The following ERCC6L2 variants were observed in gnomAD, a reference collection of about 807,000 sequenced individuals.
ERCC6L2 encodes the protein ERCC excision repair 6 like 2.
ERCC6L2 carries 77 observed loss-of-function variants against 132.0 expected under a neutral mutation model. The ratio of observed to expected loss-of-function variants is 0.58; its 90% confidence interval spans 0.49 to 0.71. The LOEUF (loss-of-function observed/expected upper bound fraction) is 0.71. Among genes scored for constraint, ERCC6L2 ranks in the 30% least tolerant of loss-of-function variants. The pLI is 0.00. For missense variants in ERCC6L2, 1,542 were observed against 1,837.6 expected, an observed-to-expected ratio of 0.84 and a Z score of 2.94; for synonymous variants, 583 against 632.4, an observed-to-expected ratio of 0.92 and a Z score of 1.17.
At chr9:95,977,455 T>C (rs547579528) in intron 16 of ERCC6L2, among the ~76,000 whole-genome samples, 22 of 152,310 alleles carry the variant, frequency 1.4e-4, no homozygotes, top group East Asian at 9.7e-4. Flanking sequence ...AAATGAATTA[T>C]AGGTGCCTAG....
At chr9:95,945,301 C>T (rs368428627) in intron 12 of ERCC6L2, among the ~76,000 whole-genome samples, 4 of 152,236 alleles carry the variant, frequency 2.6e-5, no homozygotes, top group African/African-American at 9.6e-5. Flanking sequence ...ACCCGGCTCA[C>T]TGGCAGTCAG....
At chr9:95,923,117 A>C in intron 8 of ERCC6L2, 143 bp from the exon 9 acceptor site, 4 of 882,900 alleles carry the variant, frequency 4.5e-6, no homozygotes, top group Non-Finnish European at 6.6e-6. Flanking sequence ...GAGTTTTTGA[A>C]TTCTTAGTCT....
intron 13 of ERCC6L2, among the ~76,000 whole-genome samples, chr9:95,964,646 C>A (rs1334754010): frequency 6.6e-6 from 1 of 152,110 alleles, no homozygotes; most frequent in Non-Finnish European, 1.5e-5. Flanking sequence ...ATGTTCTTTT[C>A]TTTTTACTTC....
chr9:95,950,616 T>C (rs1227802237), intron 12 of ERCC6L2, among the ~76,000 whole-genome samples: 3 of 152,096 alleles, frequency 2.0e-5, no homozygotes, highest in African/African-American at 7.2e-5. Context: ...GGTCCAAGAA[T>C]ATACACAGGT....
chr9:95,916,700 T>TTTTA (rs1829612831), intron 6 of ERCC6L2, among the ~76,000 whole-genome samples: 1 of 150,558 alleles, frequency 6.6e-6, no homozygotes, highest in African/African-American at 2.5e-5. Context: ...TTTTTTTTTT[T>TTTTA]GAGACAGAGT....
At position 95,972,489 on chromosome 9, in the gene ERCC6L2, G is replaced by C. The variant is rs886787907; in HGVS notation, c.2738G>C (p.Arg913Thr). Residue 913 changes from arginine (R) to threonine (T), a missense_variant, in exon 16 of 19, where the codon AGA becomes ACA. Physicochemically the swap from Arg to Thr is moderately conservative, Grantham distance 71. Coordinates refer to ENST00000653738, the MANE Select transcript of ERCC6L2 (RefSeq NM_020207.7). ...VICPTQYTTE[R>T]FPDNSIRFKP... ...TGTCCTACACAATACACAACTGAGAGATTCCCCGACAATAGTATAAGGTTT... is the reference window on the plus strand; with the variant it reads ...TGTCCTACACAATACACAACTGAGACATTCCCCGACAATAGTATAAGGTTT... 7.8e-7 allele frequency: 1 copy of C among 1,289,822 alleles called. No homozygotes were observed. Among genetic ancestry groups the C allele is most frequent in the Non-Finnish European group, 1.0e-6 (1 of 988,866 alleles). The allele number at this position is 1,289,822 out of a possible 1,614,324, so 79.9% of individuals were successfully genotyped here.
intron 5 of ERCC6L2, among the ~76,000 whole-genome samples, 161 bp from the exon 6 acceptor site, chr9:95,916,066 A>C (rs1382830291): frequency 6.6e-6 from 1 of 152,216 alleles, no homozygotes; most frequent in Non-Finnish European, 1.5e-5. Flanking sequence ...CTCATATCAT[A>C]GTTAGAACCT....
chr9:96,019,763 G>A (rs1466371545), downstream of ERCC6L2: 1 of 152,266 alleles, frequency 6.6e-6, no homozygotes, highest in Admixed American at 6.5e-5. Flanking sequence ...TTGGCTCACA[G>A]TTCCTTATAG....
chr9:95,923,563 G>T (rs547872754), intron 9 of ERCC6L2, among the ~76,000 whole-genome samples, 184 bp downstream of exon 9: 1 of 152,158 alleles, frequency 6.6e-6, no homozygotes, highest in Non-Finnish European at 1.5e-5. Context: ...TACAGATGGT[G>T]TGCACTCGAT....
Position 96,026,795 on chromosome 9 carries a change from A to ACACACACCC in ERCC6L2, c.*1504-12075_*1504-12074insCCCCACACA, listed in dbSNP as rs1320409464. 7.2e-3 allele frequency among the ~76,000 whole-genome samples: 1,024 copies of ACACACACCC among 141,356 alleles called. 21 individuals carry two copies. Among genetic ancestry groups the ACACACACCC allele is most frequent in the African/African-American group, 0.026 (979 of 37,482 alleles). 92.7% of individuals were successfully genotyped at this position (141,356 alleles called of 152,430 possible). On this transcript the variant is annotated intron_variant and NMD_transcript_variant, in intron 19 of 20. Coordinates refer to the ERCC6L2 transcript ENST00000670016. ...CACACACAAACACCACACACACCCC[A>ACACACACCC]CACACATACCACAACACACACCAAA...
chr9:96,011,811 G>A (rs1834034752), intron 18 of ERCC6L2, among the ~76,000 whole-genome samples: 1 of 152,160 alleles, frequency 6.6e-6, no homozygotes, highest in South Asian at 2.1e-4. Flanking sequence ...TTCAGAATTT[G>A]CTCTTTTCGT....
chr9:95,968,118 G>A (rs2133060493), intron 14 of ERCC6L2: 1 of 152,202 alleles, frequency 6.6e-6, no homozygotes, highest in South Asian at 2.1e-4. Context: ...GGGGAACAAA[G>A]CAAGAGACTT....
chr9:96,013,274 T>G lies in ERCC6L2; in HGVS notation c.*71T>G. On this transcript the variant is annotated 3_prime_UTR_variant, in exon 19 of 19. Coordinates refer to ENST00000653738, the MANE Select transcript of ERCC6L2 (RefSeq NM_020207.7). ...TTACGGCACTGGATTCCACACTGATTCTATTATCTTGAACACAGTTGTTGA... is the reference window on the plus strand; with the variant it reads ...TTACGGCACTGGATTCCACACTGATGCTATTATCTTGAACACAGTTGTTGA... 1 of 1,203,858 alleles carries G rather than the reference T, an allele frequency of 8.3e-7. No individual in the cohort carries two copies. The highest frequency in any genetic ancestry group is 1.1e-6 in the Non-Finnish European group (1 of 916,316). 74.6% of individuals were successfully genotyped at this position (1,203,858 alleles called of 1,614,324 possible). A position where few individuals can be genotyped will look rare whatever the true frequency, so the allele number is the denominator to read the frequency against.
In ERCC6L2 at chr9:96,016,736, A is replaced by G. The variant is rs1029308980; in HGVS notation, c.*3533A>G. Among the ~76,000 whole-genome samples the G allele has an allele frequency of 1.5e-4, 23 of 152,216 alleles. No individual in the cohort carries two copies. Among genetic ancestry groups the G allele is most frequent in the African/African-American group, 4.8e-4 (20 of 41,460 alleles). On this transcript the variant is annotated 3_prime_UTR_variant, in exon 19 of 19. Coordinates refer to ENST00000653738, the MANE Select transcript of ERCC6L2 (RefSeq NM_020207.7). ...TCTGAAGTTATCCTTCTTTTATGAT[A>G]TCAAAATAGCCCTCTTTTTTGAAAT...
rs150446001 is a variant in ERCC6L2 at position 95,899,176 on chromosome 9, G to T, written c.594+1205G>T. On this transcript the variant is annotated intron_variant, in intron 3 of 18. Coordinates refer to ENST00000653738, the MANE Select transcript of ERCC6L2 (RefSeq NM_020207.7). The stretch of plus-strand genomic sequence containing the variant: ...ATTATAGAACAAGAATGGGCCAGGC[G>T]CAGTGATTCATGCCTGTAATCCCAG... Among the ~76,000 whole-genome samples, 297 of 152,156 alleles carry T rather than the reference G, an allele frequency of 2.0e-3. 1 individual carries two copies. Among genetic ancestry groups the T allele is most frequent in the Middle Eastern group, 0.014 (4 of 292 alleles).
intron 17 of ERCC6L2, among the ~76,000 whole-genome samples, chr9:96,001,435 C>G (rs930314669): frequency 1.3e-5 from 2 of 152,132 alleles, no homozygotes; most frequent in African/African-American, 4.8e-5. Context: ...TAGTTAGATA[C>G]AGAGTTTCCT....
chr9:95,930,029 C>T (rs770446401), intron 11 of ERCC6L2, among the ~76,000 whole-genome samples: 7 of 152,106 alleles, frequency 4.6e-5, no homozygotes, highest in Non-Finnish European at 7.4e-5. Context: ...AATCATACTT[C>T]GAAAAACATC....
rs200101307 is a variant in ERCC6L2 at position 96,013,082 on chromosome 9, C to G, written c.4532C>G (p.Pro1511Arg). 1.7e-4 allele frequency: 235 copies of G among 1,367,456 alleles called. No homozygotes were observed. The highest frequency in any genetic ancestry group is 2.2e-4 in the Non-Finnish European group (222 of 1,021,856). 84.7% of individuals were successfully genotyped at this position (1,367,456 alleles called of 1,614,324 possible). ...TLCEKAPLAA[P>R]FKRREEPATS... ...TGTGAAAAAGCACCTCTAGCAGCAC[C>G]CTTTAAAAGGAGAGAAGAGCCAGCA... Residue 1511 changes from proline (P) to arginine (R), a missense_variant, in exon 19 of 19, where the codon CCC (proline) becomes CGC (arginine). Coordinates refer to ENST00000653738, the MANE Select transcript of ERCC6L2 (RefSeq NM_020207.7).
intron 2 of ERCC6L2, 99 bp from the exon 3 acceptor site, chr9:95,897,750 G>A: frequency 1.6e-6 from 2 of 1,212,376 alleles, no homozygotes; most frequent in East Asian, 2.4e-5. Context: ...AAATCTCTTT[G>A]TACATACTTT....
Sources: allele counts gnomAD v4.1 joint callset (sites outside exome capture counted in the v4.1 genomes callset), GRCh38; gene constraint gnomAD v4.1.1; transcripts MANE v1.5; gene names NCBI Gene and HGNC (gene_info 2026-07-23, HGNC 2026-07-21).